TMCC2: variants seen among roughly 807,000 people sequenced by gnomAD.
TMCC2 encodes transmembrane and coiled-coil domains protein 2.
In TMCC2, 16 loss-of-function variants were observed where a neutral mutation model predicts 49.4. The ratio of observed to expected loss-of-function variants is 0.32; its 90% CI spans 0.22 to 0.49. The LOEUF is 0.49. TMCC2 is among the 20% of genes least tolerant of loss of function. TMCC2 has a pLI of 0.99. For missense variants in TMCC2, 762 were observed against 989.8 expected (o/e 0.77, Z 3.09); for synonymous variants, 397 against 434.1 (o/e 0.91, Z 1.06).
intron 2 of TMCC2, among the ~76,000 whole-genome samples, chr1:205,250,334 C>T (rs970570957): frequency 3.9e-5 from 6 of 151,984 alleles, no homozygotes; most frequent in East Asian, 1.9e-4. Context: ...TGAGGTCAGG[C>T]GTCCGAGACC....
In TMCC2 at chr1:205,254,345, G is replaced by A. The variant is rs147564735; in HGVS notation, c.747+12301G>A. On this transcript the variant is annotated intron_variant, in intron 2 of 4. Coordinates refer to ENST00000358024, the MANE Select transcript of TMCC2 (RefSeq NM_014858.4). ...CAGCGCCTACAGTGACTTGACCAAG[G>A]TCACTTAGAAAGCATGGAAGTGAGT... Among the ~76,000 whole-genome samples the A allele has an allele frequency of 2.4e-4, 36 of 152,304 alleles. 1 individual carries two copies. Among genetic ancestry groups the A allele is most frequent in the African/African-American group, 8.2e-4 (34 of 41,570 alleles).
In TMCC2 at chr1:205,255,516, A is replaced by G. The variant is rs554175459; in HGVS notation, c.748-13434A>G. ...GTTGCAGTGAGCCAAGATCGCGTCA[A>G]TGCATTCCAGCCTGGTGACAGGGCA... On this transcript the variant is annotated intron_variant, in intron 2 of 4. Transcript: ENST00000358024. 6.6e-5 allele frequency among the ~76,000 whole-genome samples: 10 copies of G among 152,268 alleles called. No individual in the cohort carries two copies. In the South Asian group the frequency reaches 1.0e-3, roughly 16 times the overall value.
intron 1 of TMCC2, 154 bp downstream of exon 1, chr1:205,228,925 T>A: frequency 7.0e-7 from 1 of 1,428,438 alleles, no homozygotes; most frequent in Non-Finnish European, 9.1e-7. Context: ...AGGGGGGACG[T>A]CAGGTACCAT....
Position 205,228,158 on chromosome 1 carries a change from CG to C in TMCC2, c.-406del, listed in dbSNP as rs1659646425. ...CTGCCCGGCCGGCTGCCCCGCGCCC[CG>C]CCTCGCCCCGCAGCCCGGCCGGCCG... is the stretch of plus-strand genomic sequence containing the variant. On this transcript the variant is annotated 5_prime_UTR_variant, in exon 1 of 5. Transcript: ENST00000358024. 6.6e-6 allele frequency: 1 copy of C among 151,340 alleles called. No homozygotes were observed. The highest frequency in any genetic ancestry group is 2.4e-5 in the African/African-American group (1 of 41,312). 9.4% of individuals were successfully genotyped at this position (151,340 alleles called of 1,614,324 possible). A position where few individuals can be genotyped will look rare whatever the true frequency, so the allele number is the denominator to read the frequency against.
chr1:205,268,762 A>T, intron 2 of TMCC2, 188 bp from the exon 3 acceptor site: 1 of 615,736 alleles, frequency 1.6e-6, no homozygotes, highest in Non-Finnish European at 2.8e-6. Flanking sequence ...TGCTGTGGGG[A>T]CGGGGTAGAG....
chr1:205,246,308 C>T (rs907409423), intron 2 of TMCC2, among the ~76,000 whole-genome samples: 3 of 17,048 alleles, frequency 1.8e-4, no homozygotes, highest in African/African-American at 9.6e-4. Context: ...GAGGTGGGGG[C>T]GGGGGGTGGG....
At chr1:205,267,183 C>G (rs1303982305) in intron 2 of TMCC2, among the ~76,000 whole-genome samples, 3 of 152,178 alleles carry the variant, frequency 2.0e-5, no homozygotes, top group African/African-American at 7.2e-5. Flanking sequence ...TTGTCCACAG[C>G]ATCCCCAGGG....
intron 1 of TMCC2, chr1:205,229,636 TCTGC>T: frequency 1.0e-6 from 1 of 982,934 alleles, no homozygotes; most frequent in Non-Finnish European, 1.2e-6. Flanking sequence ...CTTGGAGATC[TCTGC>T]CTGCCTGCTG....
chr1:205,232,884 A>G (rs1396197055), intron 1 of TMCC2, among the ~76,000 whole-genome samples: 2 of 141,498 alleles, frequency 1.4e-5, no homozygotes. Context: ...GCAGTGAGCC[A>G]TGATCATGCC....
At chr1:205,268,553 G>A (rs1661442728) in intron 2 of TMCC2, among the ~76,000 whole-genome samples, 1 of 152,226 alleles carries the variant, frequency 6.6e-6, no homozygotes, top group Admixed American at 6.5e-5. Flanking sequence ...GGTGGAAGGT[G>A]CAGTGAGCTG....
intron 1 of TMCC2, among the ~76,000 whole-genome samples, chr1:205,238,510 C>T (rs1660144635): frequency 6.6e-6 from 1 of 152,180 alleles, no homozygotes; most frequent in Non-Finnish European, 1.5e-5. Context: ...CTCCTGGTCA[C>T]TTTCCCTAGG....
chr1:205,229,064 G>T lies in TMCC2; in HGVS notation c.207+293G>T, dbSNP rs1013298707. The T allele has an allele frequency of 1.5e-5, 19 of 1,249,864 alleles. 1 individual carries two copies. In the South Asian group the frequency reaches 3.7e-4, roughly 24 times the overall value. 77.4% of individuals were successfully genotyped at this position (1,249,864 alleles called of 1,614,324 possible). The stretch of plus-strand genomic sequence containing the variant: ...GTGAAGTGTTATTCGCAGACAAAGG[G>T]CTGGAGAAATCCAAGATGCTAACCA... On this transcript the variant is annotated intron_variant, in intron 1 of 4. Transcript: ENST00000358024.
chr1:205,249,081 A>C (rs1355196789), intron 2 of TMCC2, among the ~76,000 whole-genome samples: 2 of 152,122 alleles, frequency 1.3e-5, no homozygotes, highest in Non-Finnish European at 2.9e-5. Context: ...AGCAGGCAGG[A>C]AGGAAGAGAG....
chr1:205,254,446 C>G (rs1362633618), intron 2 of TMCC2, among the ~76,000 whole-genome samples: 1 of 152,200 alleles, frequency 6.6e-6, no homozygotes, highest in Non-Finnish European at 1.5e-5. Context: ...ACCCCCACCA[C>G]AGGAAGCTCT....
At chr1:205,256,068 C>A in intron 2 of TMCC2, 1 of 593,520 alleles carries the variant, frequency 1.7e-6, no homozygotes, top group Non-Finnish European at 2.7e-6. Flanking sequence ...TTTTGGCCTG[C>A]AAGCCCTGGC....
intron 1 of TMCC2, among the ~76,000 whole-genome samples, chr1:205,237,396 C>A (rs1267532616): frequency 1.3e-5 from 2 of 152,168 alleles, no homozygotes; most frequent in Non-Finnish European, 2.9e-5. Flanking sequence ...CTCAGGGTGA[C>A]CCAGTCACCC....
intron 2 of TMCC2, among the ~76,000 whole-genome samples, chr1:205,263,917 G>A (rs145514135): frequency 1.3e-5 from 2 of 152,328 alleles, no homozygotes; most frequent in East Asian, 3.9e-4. Context: ...CTGAGTTTTG[G>A]AGCCAGACAG....
chr1:205,229,389 A>G (rs1485082615), intron 1 of TMCC2, among the ~76,000 whole-genome samples: 1 of 151,616 alleles, frequency 6.6e-6, no homozygotes, highest in Non-Finnish European at 1.5e-5. Context: ...GGGTTTCGCC[A>G]TGTTGGCCAG....
At chr1:205,253,522 A>G (rs1261714447) in intron 2 of TMCC2, among the ~76,000 whole-genome samples, 1 of 152,208 alleles carries the variant, frequency 6.6e-6, no homozygotes, top group African/African-American at 2.4e-5. Flanking sequence ...CTGTGAATTG[A>G]TAGTGACCAC....
Sources: gnomAD v4.1 joint callset for allele counts (sites outside exome capture counted in the v4.1 genomes callset) on GRCh38, gnomAD v4.1.1 for gene constraint, MANE v1.5 for transcripts, NCBI Gene and HGNC (gene_info 2026-07-23, HGNC 2026-07-21) for gene names.